Variants in POLG observed in about 807,000 individuals in gnomAD.
POLG encodes DNA polymerase subunit gamma-1.
A neutral mutation model predicts 155.4 loss-of-function variants in POLG; 110 were observed. The observed-to-expected ratio is 0.71, with a 90% CI of 0.61 to 0.83. POLG has a LOEUF of 0.83. Ranked by LOEUF, POLG falls within the 40% of genes least tolerant of loss-of-function variation. The probability of loss-of-function intolerance (pLI) is 0.00; values close to 1 mark genes in which losing one functional copy is unlikely to be tolerated. For synonymous variants in POLG, 701 were observed against 631.5 expected, an observed-to-expected ratio of 1.11 and a Z score of -1.65; for missense variants, 1,685 against 1,627.5, an observed-to-expected ratio of 1.04 and a Z score of -0.61.
At chr15:89,324,071 C>T in intron 11 of POLG, 36 bp downstream of exon 11, 1 of 1,613,640 alleles carries the variant, frequency 6.2e-7, no homozygotes, top group Non-Finnish European at 8.5e-7. Flanking sequence ...CAGAGACCTC[C>T]CCTCCCCAAA....
At position 89,333,765 on chromosome 15, in the gene POLG, G is replaced by A; in HGVS notation, c.-11C>T. 3 of 1,535,048 alleles carry A rather than the reference G, an allele frequency of 2.0e-6. No homozygotes were observed. The highest frequency in any genetic ancestry group is 2.6e-6 in the Non-Finnish European group (3 of 1,146,384). Reference sequence around the variant, plus strand: ...GAGCAGGCGGCTCATGGTTGGTGCAGGGACCCCCACGCTGGGAGTCAGAAC... The same window carrying A: ...GAGCAGGCGGCTCATGGTTGGTGCAAGGACCCCCACGCTGGGAGTCAGAAC... On this transcript the variant is annotated 5_prime_UTR_variant, in exon 2 of 23. Transcript: ENST00000268124.
chr15:89,323,005 T>G, intron 13 of POLG, 103 bp from the exon 14 acceptor site: 1 of 1,198,088 alleles, frequency 8.3e-7, no homozygotes. Context: ...GCCCAGAACC[T>G]CAGCAGTCTG....
At chr15:89,331,082 G>C (rs370016113) in intron 2 of POLG, among the ~76,000 whole-genome samples, 22 of 152,324 alleles carry the variant, frequency 1.4e-4, no homozygotes, top group African/African-American at 5.3e-4. Flanking sequence ...GCATCAAAGT[G>C]AGTGACGAGG....
rs1064794213 is a variant in POLG at position 89,318,961 on chromosome 15, T to TCGG, written c.3240_3242dup (p.Arg1081dup). Reference sequence around the variant, plus strand: ...CCTGGACAGCCGAGGGCTCCAGGGCTCGGCTGATGCAGCAGCCCAGCACCG... The same window carrying TCGG: ...CCTGGACAGCCGAGGGCTCCAGGGCTCGGCGGCTGATGCAGCAGCCCAGCACCG... On this transcript the variant is annotated inframe_insertion, in exon 20 of 23. Transcript: ENST00000268124. The TCGG allele has an allele frequency of 1.9e-6, 3 of 1,614,134 alleles. No homozygotes were observed. Among genetic ancestry groups the TCGG allele is most frequent in the Non-Finnish European group, 2.5e-6 (3 of 1,180,002 alleles).
intron 16 of POLG, 152 bp from the exon 17 acceptor site, chr15:89,321,412 AC>A: frequency 1.1e-6 from 1 of 904,348 alleles, no homozygotes; most frequent in Non-Finnish European, 1.8e-6. Flanking sequence ...AGAGATGGCC[AC>A]CTATCAGCAA....
chr15:89,325,037 A>AGAGT lies in POLG; in HGVS notation c.1949+409_1949+412dup, dbSNP rs71824331. Among the ~76,000 whole-genome samples the AGAGT allele has an allele frequency of 1.0e-3, 72 of 70,868 alleles. 11 individuals carry two copies. The highest frequency in any genetic ancestry group is 3.4e-3 in the African/African-American group (61 of 18,070). 46.5% of individuals were successfully genotyped at this position (70,868 alleles called of 152,430 possible). A position where few individuals can be genotyped will look rare whatever the true frequency, so the allele number is the denominator to read the frequency against. On this transcript the variant is annotated intron_variant, in intron 10 of 22. Coordinates refer to ENST00000268124, the MANE Select transcript of POLG (RefSeq NM_002693.3). ...CATGGAAGAAAAAACCTGAACCCAG[A>AGAGT]GAGTGAGTGAGTGAGTGAGAGAGTG...
chr15:89,323,544 C>T, intron 12 of POLG, 33 bp from the exon 13 acceptor site: 1 of 1,359,504 alleles, frequency 7.4e-7, no homozygotes. Context: ...TCAGGCCCTG[C>T]TCCAGCACCT....
chr15:89,316,498 C>T lies in POLG; in HGVS notation c.*253G>A. 1 of 1,577,366 alleles carries T rather than the reference C, an allele frequency of 6.3e-7. No individual in the cohort carries two copies. The highest frequency in any genetic ancestry group is 2.3e-5 in the East Asian group (1 of 43,072). On this transcript the variant is annotated 3_prime_UTR_variant, in exon 23 of 23. Transcript: ENST00000268124. Reference sequence around the variant, plus strand: ...GTTAATGTGAACTTTGGGGCTTCTGCTTCATTTTTACCCAACAAGCAACAA... The same window carrying T: ...GTTAATGTGAACTTTGGGGCTTCTGTTTCATTTTTACCCAACAAGCAACAA...
chr15:89,322,443 C>G (rs2055409958), intron 14 of POLG, among the ~76,000 whole-genome samples: 1 of 152,234 alleles, frequency 6.6e-6, no homozygotes, highest in Non-Finnish European at 1.5e-5. Flanking sequence ...ACAGGGCTTA[C>G]AGGCCACCAG....
At chr15:89,325,083 A>G (rs550853811) in intron 10 of POLG, among the ~76,000 whole-genome samples, 3 of 91,176 alleles carry the variant, frequency 3.3e-5, no homozygotes, top group African/African-American at 1.7e-4. Context: ...TGAGTGAGTG[A>G]GAGAGTGAGT....
rs139562274 is a variant in POLG, at chr15:89,317,389, G to A, written c.3630C>T (p.Tyr1210=). ...PSNPTGMERR[Y]GIPQGEALDI... ...TGTTGTGCTCACCCTGGGGAATCCCGTATCTCCTTTCCATCCCAGTTGGGT... is the reference window on the plus strand; with the variant it reads ...TGTTGTGCTCACCCTGGGGAATCCCATATCTCCTTTCCATCCCAGTTGGGT... Residue 1210 remains tyrosine, a synonymous_variant, in exon 22 of 23, where the codon TAC becomes TAT. Transcript: ENST00000268124. 3.2e-5 allele frequency: 52 copies of A among 1,613,864 alleles called. No homozygotes were observed. The highest frequency in any genetic ancestry group is 8.9e-5 in the East Asian group (4 of 44,896).
chr15:89,330,419 CAAA>C (rs1282975983), intron 2 of POLG, 143 bp from the exon 3 acceptor site: 2 of 718,330 alleles, frequency 2.8e-6, no homozygotes, highest in East Asian at 5.4e-5. Flanking sequence ...GCTCCTAACT[CAAA>C]CAGCTACAGG....
At position 89,330,076 on chromosome 15, in the gene POLG, C is replaced by T. The variant is rs765381733; in HGVS notation, c.855+5G>A. On this transcript the variant is annotated splice_donor_5th_base_variant and intron_variant, in intron 3 of 22. Transcript: ENST00000268124. Reference sequence around the variant, plus strand: ...AGAACCTGCAGTTGGCCCCAGGAACCTTACCTGGATCAGGTACTGCTCCCT... The same window carrying T: ...AGAACCTGCAGTTGGCCCCAGGAACTTTACCTGGATCAGGTACTGCTCCCT... 6.8e-6 allele frequency: 11 copies of T among 1,613,132 alleles called. No individual in the cohort carries two copies.
chr15:89,328,365 C>A (rs2055550027), intron 6 of POLG, 91 bp downstream of exon 6: 3 of 1,002,148 alleles, frequency 3.0e-6, no homozygotes, highest in Admixed American at 1.9e-5. Context: ...GGTCCCCAAC[C>A]TGAGATAGAA....
At chr15:89,323,325 T>C in intron 13 of POLG, 79 bp downstream of exon 13, 2 of 852,024 alleles carry the variant, frequency 2.3e-6, no homozygotes, top group South Asian at 1.4e-5. Flanking sequence ...AAGTCTCAGG[T>C]GTGTCACTCT....
In POLG at chr15:89,321,130, A is replaced by T; in HGVS notation, c.2729T>A (p.Met910Lys). ...CAACCCCGGCTCCTGCTCACCATGC[A>T]TGCCGGCAAAGTGGGCGTCTCCAAG... is the stretch of plus-strand genomic sequence containing the variant. ...AVLGDAHFAG[M>K]HGCTAFGWMT... Residue 910 changes from methionine (M) to lysine (K), a missense_variant, in exon 17 of 23, where the codon ATG (methionine) becomes AAG (lysine). By Grantham distance (95) the Met-to-Lys change is moderately conservative (BLOSUM62 -1). Transcript: ENST00000268124. 2 of 1,614,238 alleles carry T rather than the reference A, an allele frequency of 1.2e-6. No individual in the cohort carries two copies. The highest frequency in any genetic ancestry group is 2.2e-5 in the East Asian group (1 of 44,886).
At chr15:89,318,452 C>A (rs189333821) in intron 21 of POLG, 89 bp downstream of exon 21, 8 of 1,086,576 alleles carry the variant, frequency 7.4e-6, no homozygotes, top group South Asian at 5.1e-5. Flanking sequence ...GATGAAAAGT[C>A]AAAACTGACC....
At chr15:89,321,376 C>G (rs978426428) in intron 16 of POLG, 116 bp from the exon 17 acceptor site, 9 of 1,207,990 alleles carry the variant, frequency 7.5e-6, no homozygotes, top group African/African-American at 3.0e-5. Context: ...GAATGCCAGA[C>G]AGCACTGCTG....
At chr15:89,323,699 G>A (rs1567188376) in intron 12 of POLG, 116 bp downstream of exon 12, 6 of 938,672 alleles carry the variant, frequency 6.4e-6, no homozygotes, top group Non-Finnish European at 1.1e-5. Flanking sequence ...GGGCAGGGTG[G>A]CATCTCCAAC....
Sources: gnomAD v4.1 joint callset for allele counts (sites outside exome capture counted in the v4.1 genomes callset) on GRCh38, gnomAD v4.1.1 for gene constraint, MANE v1.5 for transcripts, NCBI Gene and HGNC (gene_info 2026-07-23, HGNC 2026-07-21) for gene names.